Variants in CAMK4 observed in about 807,000 individuals in gnomAD.
CAMK4 encodes the protein calcium/calmodulin dependent protein kinase IV, also known as calcium/calmodulin-dependent protein kinase type IV.
CAMK4 carries 22 observed loss-of-function variants against 44.9 expected under a neutral mutation model. The observed-to-expected ratio is 0.49, with a 90% confidence interval of 0.35 to 0.70. The LOEUF (loss-of-function observed/expected upper bound fraction) is 0.70, where lower values mean the gene tolerates loss of function less well. Ranked by LOEUF, CAMK4 falls within the 30% of genes least tolerant of loss-of-function variation. The pLI is 0.01. For synonymous variants in CAMK4, 218 were observed against 215.4 expected (o/e 1.01, Z -0.11); for missense variants, 498 against 586.8 (o/e 0.85, Z 1.56).
intron 7 of CAMK4, chr5:111,449,929 A>G (rs935147191): frequency 6.6e-6 from 1 of 152,278 alleles, no homozygotes; most frequent in Non-Finnish European, 1.5e-5. Context: ...AATATGTCAC[A>G]GATCAATTAA....
chr5:111,255,388 A>C (rs1456509868), intron 1 of CAMK4, among the ~76,000 whole-genome samples: 2 of 152,182 alleles, frequency 1.3e-5, no homozygotes, highest in African/African-American at 4.8e-5. Flanking sequence ...TGATAATCTG[A>C]GTGGGTTTTC....
At chr5:111,460,275 T>TC (rs1384002885) in intron 7 of CAMK4, among the ~76,000 whole-genome samples, 3 of 143,518 alleles carry the variant, frequency 2.1e-5, no homozygotes, top group African/African-American at 7.6e-5. Flanking sequence ...CTTTTTCTTT[T>TC]TTTTTTTTTT....
intron 1 of CAMK4, among the ~76,000 whole-genome samples, chr5:111,273,744 C>T (rs1265287332): frequency 7.6e-6 from 1 of 132,038 alleles, no homozygotes; most frequent in African/African-American, 2.9e-5. Context: ...CACACACACA[C>T]GCTCACACAC....
At chr5:111,280,714 A>C (rs1009944213) in intron 1 of CAMK4, among the ~76,000 whole-genome samples, 17 of 152,222 alleles carry the variant, frequency 1.1e-4, no homozygotes, top group African/African-American at 3.6e-4. Flanking sequence ...AACAGATGGT[A>C]ACTGTGACAC....
At chr5:111,432,149 T>C (rs1055464530) in intron 5 of CAMK4, among the ~76,000 whole-genome samples, 1 of 152,162 alleles carries the variant, frequency 6.6e-6, no homozygotes, top group African/African-American at 2.4e-5. Context: ...GTGGTACATA[T>C]ACACAATGGA....
intron 2 of CAMK4, among the ~76,000 whole-genome samples, chr5:111,361,928 A>G (rs2112797360): frequency 6.6e-6 from 1 of 152,162 alleles, no homozygotes; most frequent in South Asian, 2.1e-4. Context: ...ACTTTCTCTG[A>G]CTGGGGTGGA....
chr5:111,485,331 T>C lies in CAMK4; in HGVS notation c.*865T>C, dbSNP rs1755577076. The stretch of plus-strand genomic sequence containing the variant: ...ATTTTCCAGATAAAATTGTATTTAC[T>C]CATGAATTTATACAACTTTACAGAT... On this transcript the variant is annotated 3_prime_UTR_variant, in exon 11 of 11. Transcript: ENST00000282356. 6.6e-6 allele frequency: 1 copy of C among 152,192 alleles called. No homozygotes were observed. The highest frequency in any genetic ancestry group is 1.5e-5 in the Non-Finnish European group (1 of 68,028). 9.4% of individuals were successfully genotyped at this position (152,192 alleles called of 1,614,324 possible).
At chr5:111,339,573 C>T (rs979832412) in intron 1 of CAMK4, among the ~76,000 whole-genome samples, 2 of 151,318 alleles carry the variant, frequency 1.3e-5, no homozygotes, top group Admixed American at 6.6e-5. Context: ...TCTATTTGTT[C>T]CATTGCTCTA....
chr5:111,336,098 G>T (rs796792541), intron 1 of CAMK4, among the ~76,000 whole-genome samples: 5 of 151,328 alleles, frequency 3.3e-5, no homozygotes, highest in African/African-American at 1.2e-4. Flanking sequence ...TCAAATTCAT[G>T]GCAGAAAAAA....
At chr5:111,376,766 A>C in intron 3 of CAMK4, 94 bp from the exon 4 acceptor site, 30 of 647,766 alleles carry the variant, frequency 4.6e-5, no homozygotes, top group Non-Finnish European at 7.1e-5. Context: ...ACATATTACT[A>C]CTGCAGAATG....
Position 111,344,119 on chromosome 5 carries a change from T to A in CAMK4, c.240+17T>A. Reference sequence around the variant, plus strand: ...AAGAAAACAGTAAGTTTATTTCTTATATAATGGCATCTCTAAGGGGCCTGT... The same window carrying A: ...AAGAAAACAGTAAGTTTATTTCTTAAATAATGGCATCTCTAAGGGGCCTGT... On this transcript the variant is annotated intron_variant, in intron 2 of 10. Transcript: ENST00000282356. The A allele has an allele frequency of 6.8e-7, 1 of 1,462,828 alleles. No individual in the cohort carries two copies. The allele number at this position is 1,462,828 out of a possible 1,614,324, so 90.6% of individuals were successfully genotyped here.
intron 2 of CAMK4, among the ~76,000 whole-genome samples, chr5:111,354,600 T>C (rs999040109): frequency 8.6e-6 from 1 of 116,754 alleles, no homozygotes; most frequent in Admixed American, 9.0e-5. Flanking sequence ...AAATAGCTAC[T>C]TGGGAGGCTG....
chr5:111,294,661 G>A (rs1055369203), intron 1 of CAMK4, among the ~76,000 whole-genome samples: 1 of 151,136 alleles, frequency 6.6e-6, no homozygotes, highest in African/African-American at 2.4e-5. Flanking sequence ...TGTTTCAAAT[G>A]TTGCTTATTT....
At chr5:111,338,250 A>G (rs1304264136) in intron 1 of CAMK4, among the ~76,000 whole-genome samples, 1 of 151,230 alleles carries the variant, frequency 6.6e-6, no homozygotes, top group Non-Finnish European at 1.5e-5. Context: ...CTTAGAACTT[A>G]AGAACTACTC....
intron 1 of CAMK4, among the ~76,000 whole-genome samples, chr5:111,323,702 TA>T (rs887456929): frequency 1.3e-5 from 2 of 152,050 alleles, no homozygotes; most frequent in Non-Finnish European, 2.9e-5. Context: ...CATTTTAAAA[TA>T]AATGAAAACT....
chr5:111,436,581 C>T (rs1753655123), intron 5 of CAMK4, among the ~76,000 whole-genome samples: 2 of 152,186 alleles, frequency 1.3e-5, no homozygotes, highest in South Asian at 4.1e-4. Flanking sequence ...ACACATAAAC[C>T]TCAACTGCAG....
chr5:111,346,440 C>A (rs74570070), intron 2 of CAMK4, among the ~76,000 whole-genome samples: 57 of 151,744 alleles, frequency 3.8e-4, no homozygotes, highest in Non-Finnish European at 7.2e-4. Flanking sequence ...TTTCTTCAGT[C>A]CTCATTTTAT....
chr5:111,465,993 A>C (rs571268964), intron 7 of CAMK4, among the ~76,000 whole-genome samples: 9 of 152,340 alleles, frequency 5.9e-5, no homozygotes, highest in African/African-American at 2.2e-4. Context: ...TCAAAAAGAT[A>C]ATCCACCATG....
chr5:111,280,064 T>C (rs979842786), intron 1 of CAMK4, among the ~76,000 whole-genome samples: 1 of 152,216 alleles, frequency 6.6e-6, no homozygotes, highest in Non-Finnish European at 1.5e-5. Flanking sequence ...TTATAGTTTG[T>C]AAGTAAAAAC....
Sources: allele counts gnomAD v4.1 joint callset (sites outside exome capture counted in the v4.1 genomes callset), GRCh38; gene constraint gnomAD v4.1.1; transcripts MANE v1.5; gene names NCBI Gene and HGNC (gene_info 2026-07-23, HGNC 2026-07-21).